Variants in MMRN2 observed in about 807,000 individuals in gnomAD.
MMRN2 encodes multimerin-2.
In MMRN2, 53 loss-of-function variants were observed where a neutral mutation model predicts 68.8. The observed-to-expected ratio is 0.77, with a 90% CI of 0.62 to 0.97. MMRN2 has a LOEUF of 0.97. Among genes scored for constraint, MMRN2 ranks in the 50% least tolerant of loss-of-function variants. MMRN2 has a pLI of 0.00. For synonymous variants in MMRN2, 564 were observed against 551.6 expected, an observed-to-expected ratio of 1.02 and a Z score of -0.32; for missense variants, 1,266 against 1,259.5, an observed-to-expected ratio of 1.01 and a Z score of -0.08.
chr10:86,939,803 T>TGG (rs1218982532), intron 6 of MMRN2, among the ~76,000 whole-genome samples: 10 of 144,580 alleles, frequency 6.9e-5, no homozygotes, highest in African/African-American at 1.0e-4. Context: ...AAGGGAAATT[T>TGG]GGGGTGTGTG....
chr10:86,947,036 C>T (rs1319058952), intron 1 of MMRN2, among the ~76,000 whole-genome samples: 1 of 152,034 alleles, frequency 6.6e-6, no homozygotes, highest in African/African-American at 2.4e-5. Context: ...TGGCCCATGT[C>T]CTGAGGGCAT....
intron 1 of MMRN2, among the ~76,000 whole-genome samples, chr10:86,950,793 C>T (rs959474875): frequency 6.6e-6 from 1 of 152,140 alleles, no homozygotes; most frequent in Non-Finnish European, 1.5e-5. Context: ...TTTTAGAACT[C>T]TGTGAGTTCT....
intron 1 of MMRN2, chr10:86,954,224 G>C (rs1844185250): frequency 6.6e-6 from 1 of 152,532 alleles, no homozygotes; most frequent in African/African-American, 2.4e-5. Context: ...ACCCAGAGTG[G>C]ATGTGGGGCT....
At chr10:86,955,837 C>G (rs75249963) in intron 1 of MMRN2, among the ~76,000 whole-genome samples, 1,866 of 152,216 alleles carry the variant, frequency 0.012, 50 homozygotes, top group African/African-American at 0.042. Flanking sequence ...GCTTGGGACA[C>G]CTGGGCATTC....
intron 4 of MMRN2, 108 bp downstream of exon 4, chr10:86,945,080 G>A: frequency 1.0e-6 from 1 of 958,502 alleles, no homozygotes; most frequent in Non-Finnish European, 1.6e-6. Context: ...GCTGATTCTG[G>A]AGGCAAGGTT....
At chr10:86,944,508 G>T in intron 4 of MMRN2, 73 bp from the exon 5 acceptor site, 1 of 1,535,522 alleles carries the variant, frequency 6.5e-7, no homozygotes, top group Non-Finnish European at 8.9e-7. Flanking sequence ...TTCAGAGAAG[G>T]AGAGTTGAAG....
chr10:86,940,147 G>A (rs1203208675), intron 6 of MMRN2, among the ~76,000 whole-genome samples: 1 of 151,614 alleles, frequency 6.6e-6, no homozygotes, highest in Non-Finnish European at 1.5e-5. Context: ...CGAGTAGCTG[G>A]GATTAGGCGC....
At chr10:86,941,821 GAAAAAGAAAAAAAAAAC>G (rs1319009756) in intron 6 of MMRN2, among the ~76,000 whole-genome samples, 5 of 67,654 alleles carry the variant, frequency 7.4e-5, no homozygotes, top group Non-Finnish European at 1.2e-4. Context: ...AAAAAGAAAA[GAAAAAGAAAAAAAAAAC>G]AAAAAAAAAA....
chr10:86,956,191 C>G (rs1203884139), intron 1 of MMRN2, among the ~76,000 whole-genome samples: 1 of 151,088 alleles, frequency 6.6e-6, no homozygotes, highest in African/African-American at 2.4e-5. Context: ...ACCTGCACCT[C>G]CCAGCCCTGA....
chr10:86,952,050 A>C (rs992728550), intron 1 of MMRN2, among the ~76,000 whole-genome samples: 2 of 152,222 alleles, frequency 1.3e-5, no homozygotes, highest in Non-Finnish European at 2.9e-5. Context: ...AAAGAAAAAA[A>C]GAAAGAACAT....
In MMRN2 at chr10:86,942,652, A is replaced by C. The variant is rs754502843; in HGVS notation, c.2132T>G (p.Val711Gly). The C allele has an allele frequency of 8.8e-6, 14 of 1,597,404 alleles. No homozygotes were observed. The African/African-American group carries it at 1.7e-4, about 20-fold the overall frequency. Residue 711 changes from valine (V) to glycine (G), a missense_variant, in exon 6 of 7, where the codon GTC becomes GGC. By Grantham distance (109) the Val-to-Gly change is moderately radical. Coordinates refer to ENST00000372027, the MANE Select transcript of MMRN2 (RefSeq NM_024756.3). ...GGCCTCGGCCTCGCAGCACCGCCCG[A>C]CATTCTTGACGTCGTTGCTCAGGCT... ...LQSLSNDVKN[V>G]GRCCEAEAGA...
rs79836026 is a variant in MMRN2, at chr10:86,940,841, G to A, written c.2467+1476C>T. 8.9e-3 allele frequency among the ~76,000 whole-genome samples: 1,349 copies of A among 152,328 alleles called. 24 individuals carry two copies. The highest frequency in any genetic ancestry group is 0.031 in the African/African-American group (1,289 of 41,572). ...AGCTCCAAGGCCAGCCTCTGGCAGA[G>A]AGAGTCACTTGAGACACAGAGCCTA... On this transcript the variant is annotated intron_variant, in intron 6 of 6. Coordinates refer to ENST00000372027, the MANE Select transcript of MMRN2 (RefSeq NM_024756.3).
chr10:86,943,671 G>A lies in MMRN2; in HGVS notation c.1113C>T (p.Ala371=). ...GGTTCCTCTGCAGCTGGCCCAGCCT[G>A]GCCTGCAGGCTGTCCGGCTCAGGCC... is the stretch of plus-strand genomic sequence containing the variant. ...GARPEPDSLQ[A]RLGQLQRNLS... The change falls in exon 6 of 7, where the codon GCC becomes GCT. Residue 371 remains alanine, a synonymous_variant. Transcript: ENST00000372027. The surrounding 1 kb of genome is among the most constrained non-coding windows in gnomAD (Gnocchi z 4.2). 1 of 1,611,868 alleles carries A rather than the reference G, an allele frequency of 6.2e-7. No individual in the cohort carries two copies. Among genetic ancestry groups the A allele is most frequent in the Middle Eastern group, 1.6e-4 (1 of 6,062 alleles).
At chr10:86,945,346 GA>G (rs1564732920) in intron 3 of MMRN2, 23 bp downstream of exon 3, 2 of 1,604,140 alleles carry the variant, frequency 1.2e-6, no homozygotes, top group Non-Finnish European at 1.7e-6. Flanking sequence ...GTCAAGGGGG[GA>G]AGGGGGCCGC....
At position 86,942,344 on chromosome 10, in the gene MMRN2, C is replaced by A. The variant is rs1456389887; in HGVS notation, c.2440G>T (p.Ala814Ser). Residue 814 changes from alanine (A) to serine (S), a missense_variant, in exon 6 of 7, where the codon GCC becomes TCC. Transcript: ENST00000372027. ...DIRVTGPVPG[A>S]LGAALWEAGS... ...GCCTCCCAGAGCGCCGCGCCCAAGG[C>A]ACCTGGCACAGGCCCTGTGACCCGT... 1 of 1,612,988 alleles carries A rather than the reference C, an allele frequency of 6.2e-7. No individual in the cohort carries two copies. The highest frequency in any genetic ancestry group is 2.2e-5 in the East Asian group (1 of 44,852).
At chr10:86,944,783 G>A (rs1368113908) in intron 4 of MMRN2, among the ~76,000 whole-genome samples, 2 of 152,130 alleles carry the variant, frequency 1.3e-5, no homozygotes, top group Non-Finnish European at 2.9e-5. Flanking sequence ...GCCTTAAAGG[G>A]CCCTGCTGCA....
At position 86,942,788 on chromosome 10, in the gene MMRN2, C is replaced by T; in HGVS notation, c.1996G>A (p.Glu666Lys). 2.9e-6 allele frequency: 4 copies of T among 1,362,366 alleles called. No homozygotes were observed. Among genetic ancestry groups the T allele is most frequent in the Non-Finnish European group, 3.8e-6 (4 of 1,060,982 alleles). 84.4% of individuals were successfully genotyped at this position (1,362,366 alleles called of 1,614,324 possible). A position where few individuals can be genotyped will look rare whatever the true frequency, so the allele number is the denominator to read the frequency against. The change falls in exon 6 of 7, where the codon GAG becomes AAG. Residue 666 changes from glutamate (E) to lysine (K), a missense_variant. Physicochemically the swap from Glu to Lys is moderately conservative, Grantham distance 56. Transcript: ENST00000372027. ...DELAARVTAL[E>K]QASEPPRPAE... ...GGCCGCGGGGGCTCCGAGGCCTGCTCCAGGGCCGTCACTCGGGCGGCCAGC... is the reference window on the plus strand; with the variant it reads ...GGCCGCGGGGGCTCCGAGGCCTGCTTCAGGGCCGTCACTCGGGCGGCCAGC...
In MMRN2 at chr10:86,936,371, A is replaced by G. The variant is rs1190152813; in HGVS notation, c.*372T>C. On this transcript the variant is annotated 3_prime_UTR_variant, in exon 7 of 7. Transcript: ENST00000372027. ...ATAAGGGAGAAGAGAAGAGGAAGCA[A>G]GAGAAAAGTTTAAAGTGTTGTACAG... 2.3e-6 allele frequency: 1 copy of G among 438,388 alleles called. No homozygotes were observed. Among genetic ancestry groups the G allele is most frequent in the Non-Finnish European group, 4.0e-6 (1 of 249,542 alleles). The allele number at this position is 438,388 out of a possible 1,614,324, so 27.2% of individuals were successfully genotyped here.
intron 4 of MMRN2, chr10:86,944,689 C>T (rs1844040871): frequency 2.0e-6 from 1 of 500,998 alleles, no homozygotes; most frequent in South Asian, 2.9e-5. Context: ...TGCACATGGC[C>T]TCACAACTTC....
Sources: gnomAD v4.1 joint callset for allele counts (sites outside exome capture counted in the v4.1 genomes callset) on GRCh38, gnomAD v4.1.1 for gene constraint, Gnocchi (gnomAD v3.1) non-coding constraint, MANE v1.5 for transcripts, NCBI Gene and HGNC (gene_info 2026-07-23, HGNC 2026-07-21) for gene names.